ZNF676: variants seen among roughly 807,000 people sequenced by gnomAD.
The protein encoded by ZNF676 is zinc finger protein 676.
In ZNF676, 4 loss-of-function variants were observed where a neutral mutation model predicts 6.0. That is an observed-to-expected ratio of 0.67 (90% CI 0.33 to 1.53). The LOEUF (loss-of-function observed/expected upper bound fraction) is 1.53, where lower values mean the gene tolerates loss of function less well. ZNF676 is among the 40% of genes most tolerant of loss of function. The probability of loss-of-function intolerance (pLI) is 0.06; values close to 1 mark genes in which losing one functional copy is unlikely to be tolerated. For synonymous variants in ZNF676, 198 were observed against 223.1 expected (o/e 0.89, Z 1.00); for missense variants, 644 against 679.7 (o/e 0.95, Z 0.58).
chr19:22,200,983 G>A (rs111843291), upstream of ZNF676, among the ~76,000 whole-genome samples: 822 of 152,156 alleles, frequency 5.4e-3, 5 homozygotes, highest in African/African-American at 0.019. Context: ...TCAGAGATTC[G>A]TAGGTGATTG....
chr19:22,202,399 T>G (rs1323569614), intron 1 of ZNF676, among the ~76,000 whole-genome samples: 1 of 152,224 alleles, frequency 6.6e-6, no homozygotes, highest in Non-Finnish European at 1.5e-5. Context: ...CAATTCCACC[T>G]GCATATTTAG....
At chr19:22,221,857 T>C in the ZNF676 span, among the ~76,000 whole-genome samples, 1 of 152,198 alleles carries the variant, frequency 6.6e-6, no homozygotes, top group African/African-American at 2.4e-5. Flanking sequence ...TTGGGTAGAA[T>C]ATTCTGTAAA....
intron 2 of ZNF676, among the ~76,000 whole-genome samples, chr19:22,186,069 G>A (rs1394780625): frequency 6.6e-6 from 1 of 151,986 alleles, no homozygotes; most frequent in Non-Finnish European, 1.5e-5. Flanking sequence ...AACCCCAAGA[G>A]AGAGAATCGT....
chr19:22,252,411 G>T, the ZNF676 span, among the ~76,000 whole-genome samples: 1 of 132,262 alleles, frequency 7.6e-6, no homozygotes, highest in Non-Finnish European at 1.6e-5. Context: ...AAAAAGAAAA[G>T]AAAGTAGGAA....
the ZNF676 span, among the ~76,000 whole-genome samples, chr19:22,252,343 T>C: frequency 6.9e-6 from 1 of 144,492 alleles, no homozygotes; most frequent in South Asian, 2.2e-4. Context: ...TGCAGTGAGC[T>C]GAGATCGTGC....
chr19:22,236,685 T>C, the ZNF676 span, among the ~76,000 whole-genome samples: 4 of 152,214 alleles, frequency 2.6e-5, no homozygotes, highest in South Asian at 2.1e-4. Context: ...GCCATGATTC[T>C]CTGTTTTTAT....
chr19:22,230,802 G>A, the ZNF676 span, among the ~76,000 whole-genome samples: 6 of 151,678 alleles, frequency 4.0e-5, no homozygotes, highest in African/African-American at 1.5e-4. Flanking sequence ...GAGATCACAG[G>A]TGTCCGCCAC....
chr19:22,190,674 CTT>C (rs1170588382), intron 2 of ZNF676, among the ~76,000 whole-genome samples: 2 of 66,956 alleles, frequency 3.0e-5, no homozygotes, highest in African/African-American at 8.7e-5. Context: ...TACATACACA[CTT>C]TAAGATATAT....
At chr19:22,246,496 C>T in the ZNF676 span, among the ~76,000 whole-genome samples, 1 of 152,144 alleles carries the variant, frequency 6.6e-6, no homozygotes, top group Non-Finnish European at 1.5e-5. Flanking sequence ...TCCCAGTGCT[C>T]CTTGCAGGTA....
At chr19:22,198,089 A>G (rs1233429829), upstream of ZNF676, among the ~76,000 whole-genome samples, 3 of 152,174 alleles carry the variant, frequency 2.0e-5, no homozygotes, top group Non-Finnish European at 2.9e-5. Context: ...ACACTGCTTC[A>G]ATGAGTGTTT....
the ZNF676 span, among the ~76,000 whole-genome samples, chr19:22,258,316 G>C: frequency 2.0e-5 from 3 of 152,244 alleles, no homozygotes; most frequent in East Asian, 5.8e-4. Context: ...ACAGGGTCCA[G>C]GCAGAAGACT....
intron 1 of ZNF676, among the ~76,000 whole-genome samples, chr19:22,208,884 C>T (rs536181204): frequency 5.3e-5 from 8 of 152,122 alleles, no homozygotes; most frequent in Admixed American, 4.6e-4. Context: ...TGAGTTTCAG[C>T]GAGCCAAGAT....
chr19:22,259,225 G>A, the ZNF676 span, among the ~76,000 whole-genome samples: 1 of 152,146 alleles, frequency 6.6e-6, no homozygotes, highest in Non-Finnish European at 1.5e-5. Context: ...CCATTATCTA[G>A]GTGAAGTGTT....
chr19:22,255,725 G>A, the ZNF676 span, among the ~76,000 whole-genome samples: 61 of 152,026 alleles, frequency 4.0e-4, no homozygotes, highest in Non-Finnish European at 6.8e-4. Context: ...GGTGCCTGTT[G>A]TCTCAGCTAC....
chr19:22,224,320 C>T, the ZNF676 span, among the ~76,000 whole-genome samples: 3 of 151,674 alleles, frequency 2.0e-5, no homozygotes, highest in Non-Finnish European at 2.9e-5. Flanking sequence ...ATTTGCAATT[C>T]TGTTTGTACA....
the ZNF676 span, among the ~76,000 whole-genome samples, chr19:22,251,600 C>A: frequency 6.6e-6 from 1 of 151,878 alleles, no homozygotes; most frequent in East Asian, 1.9e-4. Flanking sequence ...CCAGCCTGGC[C>A]CACATGGTGA....
At chr19:22,191,383 G>A (rs1021416181) in intron 2 of ZNF676, among the ~76,000 whole-genome samples, 3 of 152,146 alleles carry the variant, frequency 2.0e-5, no homozygotes, top group Non-Finnish European at 4.4e-5. Context: ...GCCACAGTCT[G>A]TGAGAGGTCT....
At chr19:22,198,295 C>T (rs533035438), upstream of ZNF676, among the ~76,000 whole-genome samples, 17 of 152,156 alleles carry the variant, frequency 1.1e-4, no homozygotes, top group South Asian at 2.3e-3. Context: ...TTCTGCATGG[C>T]ATATAAGAAG....
the ZNF676 span, among the ~76,000 whole-genome samples, chr19:22,229,837 G>T: frequency 6.6e-6 from 1 of 152,126 alleles, no homozygotes; most frequent in African/African-American, 2.4e-5. Flanking sequence ...TCATTAAAAA[G>T]TCAGAAAACA....
Sources: allele counts gnomAD v4.1 joint callset (sites outside exome capture counted in the v4.1 genomes callset), GRCh38; gene constraint gnomAD v4.1.1; transcripts MANE v1.5; gene names NCBI Gene and HGNC (gene_info 2026-07-23, HGNC 2026-07-21).